The following MSR1 variants were observed in gnomAD, a reference collection of about 807,000 sequenced individuals.
MSR1 encodes macrophage scavenger receptor types I and II.
A neutral mutation model predicts 47.2 loss-of-function variants in MSR1; 53 were observed. The observed-to-expected ratio is 1.12, with a 90% CI of 0.90 to 1.41. MSR1 has a LOEUF of 1.41. Ranked by LOEUF, MSR1 falls within the 40% of genes most tolerant of loss-of-function variation. The pLI, the probability that MSR1 is intolerant of heterozygous loss-of-function variation, is 0.00. For missense variants in MSR1, 786 were observed against 546.9 expected (o/e 1.44, Z -4.36); for synonymous variants, 239 against 185.6 (o/e 1.29, Z -2.34).
rs539027823 is a variant in MSR1, at chr8:16,176,484, G to C, written c.104-1184C>G. Among the ~76,000 whole-genome samples, 31 of 149,078 alleles carry C rather than the reference G, an allele frequency of 2.1e-4. No homozygotes were observed. The South Asian group carries it at 6.5e-3, about 31-fold the overall frequency. ...ATCGCACCACTGCACTCCAGCCTAGGTGAAAAAGTGAGACCCTGTCTCAAA... is the reference window on the plus strand; with the variant it reads ...ATCGCACCACTGCACTCCAGCCTAGCTGAAAAAGTGAGACCCTGTCTCAAA... On this transcript the variant is annotated intron_variant, in intron 2 of 9. Coordinates refer to ENST00000262101, the MANE Select transcript of MSR1 (RefSeq NM_138715.3).
At position 16,116,467 on chromosome 8, in the gene MSR1, T is replaced by C. The variant is rs575911335; in HGVS notation, c.1222+3951A>G. Among the ~76,000 whole-genome samples, 52 of 152,228 alleles carry C rather than the reference T, an allele frequency of 3.4e-4. 1 individual carries two copies. Among genetic ancestry groups the C allele is most frequent in the African/African-American group, 1.2e-3 (50 of 41,548 alleles). On this transcript the variant is annotated intron_variant, in intron 9 of 9. Transcript: ENST00000262101. The stretch of plus-strand genomic sequence containing the variant: ...CAATGTATAGAATCACCAACTACCA[T>C]AAACAAACAGCCTCCTGAAAATTTA...
intron 1 of MSR1, among the ~76,000 whole-genome samples, chr8:16,183,667 C>A (rs1295882414): frequency 2.9e-5 from 4 of 136,548 alleles, no homozygotes; most frequent in East Asian, 2.1e-4. Flanking sequence ...ATTAATATAA[C>A]ATATATTATA....
intron 8 of MSR1, among the ~76,000 whole-genome samples, chr8:16,143,339 A>C (rs1204238009): frequency 6.6e-6 from 1 of 152,134 alleles, no homozygotes; most frequent in East Asian, 1.9e-4. Flanking sequence ...CACAAAAACA[A>C]AAGACAAATG....
intron 9 of MSR1, among the ~76,000 whole-genome samples, chr8:16,111,135 T>C (rs551108296): frequency 1.3e-5 from 2 of 152,258 alleles, no homozygotes; most frequent in Admixed American, 1.3e-4. Context: ...CGTATTTGTA[T>C]ATCTGTGTTT....
intron 5 of MSR1, among the ~76,000 whole-genome samples, chr8:16,161,754 G>A (rs1045546904): frequency 1.3e-5 from 2 of 151,784 alleles, no homozygotes; most frequent in African/African-American, 4.8e-5. Context: ...AGTAAAAATT[G>A]TCTATATATA....
At chr8:16,186,010 G>C in intron 1 of MSR1, 1 of 658,928 alleles carries the variant, frequency 1.5e-6, no homozygotes, top group South Asian at 2.1e-5. Flanking sequence ...GAAGTTCGTG[G>C]CCTGCAAGAA....
intron 8 of MSR1, among the ~76,000 whole-genome samples, chr8:16,130,779 A>C (rs1231253321): frequency 6.6e-6 from 1 of 151,872 alleles, no homozygotes; most frequent in African/African-American, 2.4e-5. Flanking sequence ...AATGGCCTCC[A>C]GTTCCAACCA....
At chr8:16,140,041 G>A (rs1800510989) in intron 8 of MSR1, 7 of 819,284 alleles carry the variant, frequency 8.5e-6, no homozygotes, top group Non-Finnish European at 1.0e-5. Flanking sequence ...TCTCTTATTA[G>A]CTGTTATGTC....
intron 8 of MSR1, among the ~76,000 whole-genome samples, chr8:16,142,063 G>A (rs944398576): frequency 6.6e-6 from 1 of 152,136 alleles, no homozygotes; most frequent in African/African-American, 2.4e-5. Context: ...AGGCTTGGTG[G>A]CTCATGCCTG....
rs530950214 is a variant in MSR1 at position 16,173,401 on chromosome 8, C to T, written c.217+1786G>A. Among the ~76,000 whole-genome samples the T allele has an allele frequency of 3.3e-5, 5 of 152,140 alleles. No homozygotes were observed. In the South Asian group the frequency reaches 1.0e-3, roughly 32 times the overall value. ...TCTAATTGGTTTATATGTAATAATC[C>T]CAACAATGAAGCATCATTTAGTTAT... On this transcript the variant is annotated intron_variant, in intron 3 of 9. Coordinates refer to ENST00000262101, the MANE Select transcript of MSR1 (RefSeq NM_138715.3).
At position 16,120,616 on chromosome 8, in the gene MSR1, T is replaced by TAAAAAA. The variant is rs60866666; in HGVS notation, c.1034-16_1034-11dup. On this transcript the variant is annotated splice_polypyrimidine_tract_variant and intron_variant, in intron 8 of 9. Coordinates refer to ENST00000262101, the MANE Select transcript of MSR1 (RefSeq NM_138715.3). Reference sequence around the variant, plus strand: ...ACTTTCGTAAATGGAGCTGTAAAGTTAAAAAAAAAAAAAAAAAAAAAAAAA... The same window carrying TAAAAAA: ...ACTTTCGTAAATGGAGCTGTAAAGTTAAAAAAAAAAAAAAAAAAAAAAAAAAAAAAA... 3,099 of 1,195,912 alleles carry TAAAAAA rather than the reference T, an allele frequency of 2.6e-3. 17 individuals are homozygous for TAAAAAA. Among genetic ancestry groups the TAAAAAA allele is most frequent in the Admixed American group, 5.6e-3 (147 of 26,394 alleles). The allele number at this position is 1,195,912 out of a possible 1,614,324, so 74.1% of individuals were successfully genotyped here.
At chr8:16,155,732 G>T (rs1265133348) in intron 5 of MSR1, among the ~76,000 whole-genome samples, 1 of 151,902 alleles carries the variant, frequency 6.6e-6, no homozygotes, top group Non-Finnish European at 1.5e-5. Flanking sequence ...AAGAATGAAG[G>T]GAAGGGGAAG....
intron 3 of MSR1, among the ~76,000 whole-genome samples, chr8:16,171,496 A>C (rs1801486375): frequency 6.6e-6 from 1 of 152,132 alleles, no homozygotes; most frequent in Admixed American, 6.6e-5. Context: ...ATAAAAGTAT[A>C]TTTCTTAACT....
intron 3 of MSR1, among the ~76,000 whole-genome samples, chr8:16,174,698 G>C (rs1801588808): frequency 1.3e-5 from 2 of 152,070 alleles, no homozygotes; most frequent in Non-Finnish European, 2.9e-5. Context: ...ATTCTACAAA[G>C]TCTCCTCTCT....
Position 16,108,149 on chromosome 8 carries a change from T to C in MSR1, c.*1936A>G, listed in dbSNP as rs181569175. 2 of 149,264 alleles carry C rather than the reference T, an allele frequency of 1.3e-5. No homozygotes were observed. The highest frequency in any genetic ancestry group is 4.9e-5 in the African/African-American group (2 of 40,750). 9.2% of individuals were successfully genotyped at this position (149,264 alleles called of 1,614,324 possible). On this transcript the variant is annotated 3_prime_UTR_variant, in exon 10 of 10. Coordinates refer to ENST00000262101, the MANE Select transcript of MSR1 (RefSeq NM_138715.3). ...ATCCCAAGTGCCTATGGGTTGTTAA[T>C]AGTACTATTAACAGTGTCATAGTAC...
rs184209791 is a variant in MSR1, at chr8:16,186,950, C to T, written c.-5+5648G>A. Among the ~76,000 whole-genome samples, 60 of 152,114 alleles carry T rather than the reference C, an allele frequency of 3.9e-4. No individual in the cohort carries two copies. In the East Asian group the frequency reaches 6.0e-3, roughly 15 times the overall value. On this transcript the variant is annotated intron_variant, in intron 1 of 9. Transcript: ENST00000262101. ...GATTTTAATAGCTCCCTGACTTTCA[C>T]GCTTACATTCTTGAATTAATTCTCC...
intron 1 of MSR1, among the ~76,000 whole-genome samples, chr8:16,188,440 G>A (rs381111): frequency 0.18 from 27,671 of 151,812 alleles, 3,933 homozygotes; most frequent in African/African-American, 0.39. Context: ...GGTATTACGC[G>A]TTTTCCTTAA....
chr8:16,140,185 G>T (rs1800516128), intron 8 of MSR1: 1 of 984,956 alleles, frequency 1.0e-6, no homozygotes, highest in Non-Finnish European at 1.2e-6. Flanking sequence ...ACTCATGACA[G>T]TTCTCCTAGA....
chr8:16,117,836 A>G (rs1227662503), intron 9 of MSR1, among the ~76,000 whole-genome samples: 1 of 152,124 alleles, frequency 6.6e-6, no homozygotes, highest in Non-Finnish European at 1.5e-5. Context: ...TAGTGAGTGG[A>G]ATAATCTACA....
Sources: allele counts gnomAD v4.1 joint callset (sites outside exome capture counted in the v4.1 genomes callset), GRCh38; gene constraint gnomAD v4.1.1; transcripts MANE v1.5; gene names NCBI Gene and HGNC (gene_info 2026-07-23, HGNC 2026-07-21).